Variants in EIF2B1 observed in about 807,000 individuals in gnomAD.
The protein encoded by EIF2B1 is eukaryotic translation initiation factor 2B subunit alpha.
In EIF2B1, 30 loss-of-function variants were observed where a neutral mutation model predicts 36.8. That is an observed-to-expected ratio of 0.81 (90% CI 0.61 to 1.10). EIF2B1 has a LOEUF of 1.10. Ranked by LOEUF, EIF2B1 falls within the 50% of genes least tolerant of loss-of-function variation. The probability of loss-of-function intolerance (pLI) is 0.00; values close to 1 mark genes in which losing one functional copy is unlikely to be tolerated. For missense variants in EIF2B1, 271 were observed against 374.8 expected, an observed-to-expected ratio of 0.72 and a Z score of 2.29; for synonymous variants, 139 against 142.2, an observed-to-expected ratio of 0.98 and a Z score of 0.16.
chr12:123,633,316 A>C lies in EIF2B1; in HGVS notation c.13+229T>G, dbSNP rs78393572. 3.8e-4 allele frequency among the ~76,000 whole-genome samples: 58 copies of C among 151,404 alleles called. No homozygotes were observed. In the East Asian group the frequency reaches 0.011, roughly 29 times the overall value. On this transcript the variant is annotated intron_variant, in intron 1 of 8. Coordinates refer to ENST00000424014, the MANE Select transcript of EIF2B1 (RefSeq NM_001414.4). ...CCAACAAGGCAGGAAGGAGACTGGC[A>C]CTGGGAAGGAGCGTATGTGTGGGAG...
intron 2 of EIF2B1, among the ~76,000 whole-genome samples, chr12:123,631,851 G>C (rs577296328): frequency 2.0e-5 from 3 of 151,500 alleles, no homozygotes; most frequent in Non-Finnish European, 4.4e-5. Flanking sequence ...GTGCATGCCT[G>C]TAATCCCAGC....
chr12:123,622,338 A>C (rs188887417), intron 8 of EIF2B1, among the ~76,000 whole-genome samples: 1 of 152,248 alleles, frequency 6.6e-6, no homozygotes, highest in Admixed American at 6.5e-5. Flanking sequence ...ACTTGCCTCA[A>C]CTCGCACAGT....
chr12:123,633,680 C>T lies in EIF2B1; in HGVS notation c.-123G>A, dbSNP rs866388073. 1 of 1,510,116 alleles carries T rather than the reference C, an allele frequency of 6.6e-7. No homozygotes were observed. The highest frequency in any genetic ancestry group is 1.7e-5 in the Admixed American group (1 of 59,556). 93.5% of individuals were successfully genotyped at this position (1,510,116 alleles called of 1,614,324 possible). A position where few individuals can be genotyped will look rare whatever the true frequency, so the allele number is the denominator to read the frequency against. ...CGCTGCACACCTCCGCACCCCACTT[C>T]CGGCGCACTTCCGTACCCCTCTTCC... is the stretch of plus-strand genomic sequence containing the variant. On this transcript the variant is annotated 5_prime_UTR_variant, in exon 1 of 9. Transcript: ENST00000424014.
In EIF2B1 at chr12:123,630,230, C is replaced by T. The variant is rs1348961866; in HGVS notation, c.308G>A (p.Arg103Lys). ...MIERGELFLRRISLSRNKIAD... is the reference protein window; with the variant it reads ...MIERGELFLRKISLSRNKIAD... ...AATTTTGTTTCTTGACAGTGATATT[C>T]TCCTGAGAAAAAGTTCTCCCCGCTC... is the stretch of plus-strand genomic sequence containing the variant. Residue 103 changes from arginine (R) to lysine (K), a missense_variant, in exon 4 of 9, where the codon AGA becomes AAA. Coordinates refer to ENST00000424014, the MANE Select transcript of EIF2B1 (RefSeq NM_001414.4). The surrounding 1 kb of genome is among the most constrained non-coding windows in gnomAD (Gnocchi z 4.6). 6.2e-7 allele frequency: 1 copy of T among 1,614,080 alleles called. No homozygotes were observed. The highest frequency in any genetic ancestry group is 8.5e-7 in the Non-Finnish European group (1 of 1,180,012).
At chr12:123,624,418 C>G (rs537273216) in intron 7 of EIF2B1, among the ~76,000 whole-genome samples, 1 of 151,938 alleles carries the variant, frequency 6.6e-6, no homozygotes, top group Non-Finnish European at 1.5e-5. Flanking sequence ...ACCACCACGC[C>G]CAGCTAATTT....
In EIF2B1 at chr12:123,620,576, CATATTATATAT is replaced by C. The variant is rs1284247917; in HGVS notation, c.*1169_*1179del. 1.7e-5 allele frequency: 1 copy of C among 59,646 alleles called. No individual in the cohort carries two copies. Among genetic ancestry groups the C allele is most frequent in the African/African-American group, 6.2e-5 (1 of 16,146 alleles). 3.7% of individuals were successfully genotyped at this position (59,646 alleles called of 1,614,324 possible). A position where few individuals can be genotyped will look rare whatever the true frequency, so the allele number is the denominator to read the frequency against. The stretch of plus-strand genomic sequence containing the variant: ...GATGGGTCACATATAGACATATGTA[CATATTATATAT>C]ATATATATATATATATATATATATA... On this transcript the variant is annotated 3_prime_UTR_variant, in exon 9 of 9. Coordinates refer to ENST00000424014, the MANE Select transcript of EIF2B1 (RefSeq NM_001414.4).
At position 123,626,323 on chromosome 12, in the gene EIF2B1, G is replaced by T. The variant is rs1027168894; in HGVS notation, c.551+102C>A. Reference sequence around the variant, plus strand: ...TAATTAAGAAGTAGGACGCTACCTGGTGTGGCTTTATGAACGGGACTCAAA... The same window carrying T: ...TAATTAAGAAGTAGGACGCTACCTGTTGTGGCTTTATGAACGGGACTCAAA... On this transcript the variant is annotated intron_variant, in intron 6 of 8. Transcript: ENST00000424014. 79 of 1,391,582 alleles carry T rather than the reference G, an allele frequency of 5.7e-5. No individual in the cohort carries two copies. In the Middle Eastern group the frequency reaches 1.8e-3, roughly 32 times the overall value. 86.2% of individuals were successfully genotyped at this position (1,391,582 alleles called of 1,614,324 possible).
At chr12:123,627,402 A>C (rs1738068057) in intron 4 of EIF2B1, among the ~76,000 whole-genome samples, 1 of 152,204 alleles carries the variant, frequency 6.6e-6, no homozygotes, top group African/African-American at 2.4e-5. Context: ...TACCCAAAGG[A>C]TACAAAAGCC....
Position 123,620,577 on chromosome 12 carries a change from A to ATTT in EIF2B1, c.*1178_*1179insAAA. The ATTT allele has an allele frequency of 1.2e-5, 1 of 86,192 alleles. No individual in the cohort carries two copies. Among genetic ancestry groups the ATTT allele is most frequent in the South Asian group, 4.5e-4 (1 of 2,200 alleles). 5.3% of individuals were successfully genotyped at this position (86,192 alleles called of 1,614,324 possible). A position where few individuals can be genotyped will look rare whatever the true frequency, so the allele number is the denominator to read the frequency against. Reference sequence around the variant, plus strand: ...ATGGGTCACATATAGACATATGTACATATTATATATATATATATATATATA... The same window carrying ATTT: ...ATGGGTCACATATAGACATATGTACATTTTATTATATATATATATATATATATA... On this transcript the variant is annotated 3_prime_UTR_variant, in exon 9 of 9. Transcript: ENST00000424014.
intron 1 of EIF2B1, among the ~76,000 whole-genome samples, chr12:123,632,932 C>G: frequency 2.4e-5 from 3 of 126,112 alleles, no homozygotes; most frequent in African/African-American, 3.2e-5. Context: ...GGTGACAGAG[C>G]GAGACTCCGT....
At position 123,630,288 on chromosome 12, in the gene EIF2B1, AG is replaced by A; in HGVS notation, c.253-4del. ...ATCTTTTTACATTTGGAGTAATCCT[AG>A]GAAGAAAAGAGCAAACTGAGGGGAC... On this transcript the variant is annotated splice_polypyrimidine_tract_variant and splice_region_variant and intron_variant, in intron 3 of 8. Coordinates refer to ENST00000424014, the MANE Select transcript of EIF2B1 (RefSeq NM_001414.4). This position sits in a 1 kb window ranked among gnomAD's most constrained non-coding sequence, Gnocchi z 4.6. The A allele has an allele frequency of 6.2e-7, 1 of 1,614,074 alleles. No individual in the cohort carries two copies.
At position 123,620,529 on chromosome 12, in the gene EIF2B1, AATAG is replaced by A. The variant is rs1401997522; in HGVS notation, c.*1223_*1226del. 1.3e-5 allele frequency: 2 copies of A among 149,406 alleles called. No individual in the cohort carries two copies. The highest frequency in any genetic ancestry group is 2.9e-5 in the Non-Finnish European group (2 of 69,288). The allele number at this position is 149,406 out of a possible 1,614,324, so 9.3% of individuals were successfully genotyped here. A position where few individuals can be genotyped will look rare whatever the true frequency, so the allele number is the denominator to read the frequency against. On this transcript the variant is annotated 3_prime_UTR_variant, in exon 9 of 9. Transcript: ENST00000424014. ...AATGTAAAATTATTTGAGTGTAAAT[AATAG>A]ATGTCAGTATTTATCATGATGGGTC...
At position 123,621,777 on chromosome 12, in the gene EIF2B1, C is replaced by G. The variant is rs941070709; in HGVS notation, c.897G>C (p.Glu299Asp). Residue 299 changes from glutamate to aspartate, a missense_variant, in exon 9 of 9, where the codon GAG becomes GAC. Glu to Asp is a conservative substitution (Grantham distance 45). Coordinates refer to ENST00000424014, the MANE Select transcript of EIF2B1 (RefSeq NM_001414.4). ...CAGGTTACAGATAGAGCTTGATGAG[C>G]TCATCGCTGACTGCTGAGGGTGTCA... is the stretch of plus-strand genomic sequence containing the variant. ...GVLTPSAVSDELIKLYL is the reference protein window; with the variant it reads ...GVLTPSAVSDDLIKLYL 4 of 1,613,630 alleles carry G rather than the reference C, an allele frequency of 2.5e-6. No homozygotes were observed. The African/African-American group carries it at 4.0e-5, about 16-fold the overall frequency.
At chr12:123,629,576 A>C (rs111761071) in intron 4 of EIF2B1, among the ~76,000 whole-genome samples, 2 of 151,978 alleles carry the variant, frequency 1.3e-5, no homozygotes, top group Non-Finnish European at 2.9e-5. Flanking sequence ...GGTGGATCAC[A>C]AGGTCAGGAG....
At chr12:123,626,136 A>C (rs1955146728) in intron 6 of EIF2B1, 1 of 421,948 alleles carries the variant, frequency 2.4e-6, no homozygotes, top group African/African-American at 2.0e-5. Flanking sequence ...CCATCTCAAA[A>C]AAACAAAAAA....
intron 5 of EIF2B1, chr12:123,626,836 T>C (rs1241656366): frequency 1.4e-6 from 1 of 704,248 alleles, no homozygotes; most frequent in Non-Finnish European, 2.6e-6. Context: ...CGGAGTTAAC[T>C]ACTTAAGTGA....
chr12:123,630,180 T>C lies in EIF2B1; in HGVS notation c.358A>G (p.Lys120Glu). The change falls in exon 4 of 9, where the codon AAA becomes GAA. Residue 120 changes from lysine to glutamate, a missense_variant. Physicochemically the swap from Lys to Glu is moderately conservative, Grantham distance 56. Coordinates refer to ENST00000424014, the MANE Select transcript of EIF2B1 (RefSeq NM_001414.4). This position sits in a 1 kb window ranked among gnomAD's most constrained non-coding sequence, Gnocchi z 4.6. ...GATTATCCACTCACCGCTCCATCTT[T>C]GATGAAAGTATGGCACAGATCTGCA... ...KIADLCHTFIKDGATILTHAY... is the reference protein window; with the variant it reads ...KIADLCHTFIEDGATILTHAY... 6.2e-7 allele frequency: 1 copy of C among 1,613,888 alleles called. No homozygotes were observed. The highest frequency in any genetic ancestry group is 8.5e-7 in the Non-Finnish European group (1 of 1,179,970).
intron 6 of EIF2B1, chr12:123,626,111 C>T: frequency 2.8e-6 from 1 of 360,140 alleles, no homozygotes; most frequent in East Asian, 6.1e-5. Flanking sequence ...CCAGCCTGGG[C>T]AACAGGGCAA....
At chr12:123,622,329 C>G (rs997944847) in intron 8 of EIF2B1, among the ~76,000 whole-genome samples, 2 of 152,192 alleles carry the variant, frequency 1.3e-5, no homozygotes, top group Non-Finnish European at 2.9e-5. Context: ...AATGAAAGGA[C>G]TTGCCTCAAC....
Sources: gnomAD v4.1 joint callset for allele counts (sites outside exome capture counted in the v4.1 genomes callset) on GRCh38, gnomAD v4.1.1 for gene constraint, Gnocchi (gnomAD v3.1) non-coding constraint, MANE v1.5 for transcripts, NCBI Gene and HGNC (gene_info 2026-07-23, HGNC 2026-07-21) for gene names.